KATNBL1: variants seen among roughly 807,000 people sequenced by gnomAD.
KATNBL1 encodes the protein katanin regulatory subunit B1 like 1.
In KATNBL1, 28 loss-of-function variants were observed where a neutral mutation model predicts 44.7. That is an observed-to-expected ratio of 0.63 (90% CI 0.46 to 0.86). KATNBL1 has a LOEUF of 0.86. Ranked by LOEUF, KATNBL1 falls within the 40% of genes least tolerant of loss-of-function variation. The probability of loss-of-function intolerance (pLI) is 0.00; values close to 1 mark genes in which losing one functional copy is unlikely to be tolerated. For missense variants in KATNBL1, 272 were observed against 350.7 expected, an observed-to-expected ratio of 0.78 and a Z score of 1.79; for synonymous variants, 78 against 114.9, an observed-to-expected ratio of 0.68 and a Z score of 2.06.
At chr15:34,199,758 G>C (rs74885853) in intron 1 of KATNBL1, 2 of 152,174 alleles carry the variant, frequency 1.3e-5, no homozygotes, top group East Asian at 3.9e-4. Context: ...GAGGACCTTC[G>C]TGGCAAGTGT....
intron 1 of KATNBL1, among the ~76,000 whole-genome samples, chr15:34,170,338 T>C (rs1335903064): frequency 1.3e-5 from 2 of 152,162 alleles, no homozygotes; most frequent in East Asian, 3.8e-4. Flanking sequence ...CCATTCACAA[T>C]TGCTACAAAG....
chr15:34,177,328 C>T (rs1889363717), intron 1 of KATNBL1, among the ~76,000 whole-genome samples: 1 of 152,134 alleles, frequency 6.6e-6, no homozygotes, highest in Non-Finnish European at 1.5e-5. Context: ...TAATCTACTA[C>T]AATGGCTGCC....
chr15:34,187,821 AACC>A (rs1011845437), intron 1 of KATNBL1, among the ~76,000 whole-genome samples: 13 of 152,114 alleles, frequency 8.5e-5, no homozygotes, highest in Non-Finnish European at 1.6e-4. Context: ...TTATGCAAAC[AACC>A]ACATTGCCAC....
chr15:34,187,572 C>G (rs1889751355), intron 1 of KATNBL1, among the ~76,000 whole-genome samples: 1 of 152,082 alleles, frequency 6.6e-6, no homozygotes, highest in African/African-American at 2.4e-5. Flanking sequence ...CTCTCCAGTC[C>G]CCCACTTCCA....
At chr15:34,169,607 G>C (rs1889096064) in intron 1 of KATNBL1, among the ~76,000 whole-genome samples, 1 of 152,108 alleles carries the variant, frequency 6.6e-6, no homozygotes, top group East Asian at 1.9e-4. Context: ...GCATCATCCT[G>C]ATACCAAAGC....
Position 34,172,531 on chromosome 15 carries a change from A to G in KATNBL1, c.-14-8841T>C, listed in dbSNP as rs193278051. 4.0e-3 allele frequency among the ~76,000 whole-genome samples: 605 copies of G among 152,248 alleles called. 6 individuals carry two copies. The highest frequency in any genetic ancestry group is 0.014 in the African/African-American group (586 of 41,520). On this transcript the variant is annotated intron_variant, in intron 1 of 9. Coordinates refer to ENST00000256544, the MANE Select transcript of KATNBL1 (RefSeq NM_024713.3). ...CTTGGCCTATCCAAGTGTTGGGATT[A>G]CAGGTGTAAGCCACTGCACCCAGCC...
chr15:34,186,299 G>A (rs534772136), intron 1 of KATNBL1, among the ~76,000 whole-genome samples: 1 of 152,330 alleles, frequency 6.6e-6, no homozygotes, highest in East Asian at 1.9e-4. Context: ...CCCCTTCTGA[G>A]TTGGGACAGG....
At chr15:34,154,139 T>C (rs1888565959) in intron 3 of KATNBL1, among the ~76,000 whole-genome samples, 1 of 152,360 alleles carries the variant, frequency 6.6e-6, no homozygotes, top group Middle Eastern at 3.4e-3. Flanking sequence ...AAATGGCATA[T>C]AGCTTCTTGA....
chr15:34,205,929 G>A (rs78907224), intron 1 of KATNBL1, among the ~76,000 whole-genome samples: 23,473 of 151,996 alleles, frequency 0.15, 1,956 homozygotes, highest in African/African-American at 0.21. Context: ...ATGCCTTTAG[G>A]AGAAATAATC....
chr15:34,183,015 C>T (rs1018613203), intron 1 of KATNBL1, among the ~76,000 whole-genome samples: 1 of 152,200 alleles, frequency 6.6e-6, no homozygotes, highest in Non-Finnish European at 1.5e-5. Context: ...TCACTAGACT[C>T]CTTGGATACC....
At chr15:34,152,644 A>G in intron 4 of KATNBL1, 146 bp downstream of exon 4, 1 of 619,348 alleles carries the variant, frequency 1.6e-6, no homozygotes, top group Non-Finnish European at 2.8e-6. Flanking sequence ...TAATCTAGAA[A>G]ATTGTCTCAG....
chr15:34,165,793 C>T (rs569517899), intron 1 of KATNBL1: 17 of 151,256 alleles, frequency 1.1e-4, no homozygotes, highest in African/African-American at 4.1e-4. Flanking sequence ...GACTCTGTCT[C>T]GAAAAAATAA....
chr15:34,207,277 C>T (rs921015388), intron 1 of KATNBL1, among the ~76,000 whole-genome samples: 5 of 151,960 alleles, frequency 3.3e-5, no homozygotes, highest in African/African-American at 7.3e-5. Context: ...GGTGCGATCT[C>T]GGCTCACTGC....
At chr15:34,207,014 C>CA (rs1890311363) in intron 1 of KATNBL1, among the ~76,000 whole-genome samples, 3 of 149,182 alleles carry the variant, frequency 2.0e-5, no homozygotes, top group African/African-American at 7.6e-5. Flanking sequence ...TGTTATGATG[C>CA]ATCTTGTTGT....
At chr15:34,203,247 C>CT (rs1049144383) in intron 1 of KATNBL1, among the ~76,000 whole-genome samples, 2 of 152,096 alleles carry the variant, frequency 1.3e-5, no homozygotes, top group African/African-American at 4.8e-5. Flanking sequence ...TCCTTGATTT[C>CT]TTTTTTCCTT....
At chr15:34,191,036 G>A (rs1889856344) in intron 1 of KATNBL1, among the ~76,000 whole-genome samples, 1 of 151,872 alleles carries the variant, frequency 6.6e-6, no homozygotes, top group Non-Finnish European at 1.5e-5. Context: ...ATGTTTGGAT[G>A]TTGCTTAGAT....
intron 1 of KATNBL1, among the ~76,000 whole-genome samples, chr15:34,204,575 T>C (rs976848255): frequency 1.3e-5 from 2 of 152,196 alleles, no homozygotes; most frequent in Non-Finnish European, 2.9e-5. Flanking sequence ...TCAAAAAAAC[T>C]GTTTACATGG....
At chr15:34,142,850 T>A in intron 9 of KATNBL1, 1 of 320,194 alleles carries the variant, frequency 3.1e-6, no homozygotes, top group Non-Finnish European at 6.0e-6. Context: ...TAGCTGGGAC[T>A]ACAGGTGTGC....
intron 1 of KATNBL1, among the ~76,000 whole-genome samples, chr15:34,181,021 A>G (rs1056098163): frequency 3.3e-5 from 5 of 152,304 alleles, no homozygotes; most frequent in Non-Finnish European, 5.9e-5. Flanking sequence ...CTAAATCACC[A>G]TAACAATTAT....
Sources: allele counts gnomAD v4.1 joint callset (sites outside exome capture counted in the v4.1 genomes callset), GRCh38; gene constraint gnomAD v4.1.1; transcripts MANE v1.5; gene names NCBI Gene and HGNC (gene_info 2026-07-23, HGNC 2026-07-21).